PCSK5: variants seen among roughly 807,000 people sequenced by gnomAD.
PCSK5 encodes prohormone convertase 5.
PCSK5 carries 129 observed loss-of-function variants against 233.2 expected under a neutral mutation model. The ratio of observed to expected loss-of-function variants is 0.55; its 90% CI spans 0.48 to 0.64. The LOEUF (loss-of-function observed/expected upper bound fraction) is 0.64. PCSK5 is among the 30% of genes least tolerant of loss of function. The pLI is 0.00. For synonymous variants in PCSK5, 825 were observed against 879.2 expected, an observed-to-expected ratio of 0.94 and a Z score of 1.09; for missense variants, 2,076 against 2,430.1, an observed-to-expected ratio of 0.85 and a Z score of 3.06.
chr9:75,991,015 A>G (rs1826745535), intron 3 of PCSK5, among the ~76,000 whole-genome samples: 1 of 152,228 alleles, frequency 6.6e-6, no homozygotes, highest in South Asian at 2.1e-4. Context: ...GTGTGTGTCA[A>G]GCATTTTGCC....
chr9:75,978,075 C>G (rs932184909), intron 2 of PCSK5, among the ~76,000 whole-genome samples: 1 of 152,070 alleles, frequency 6.6e-6, no homozygotes, highest in Non-Finnish European at 1.5e-5. Context: ...TGTTGAAATA[C>G]GAAACATTTT....
intron 24 of PCSK5, among the ~76,000 whole-genome samples, chr9:76,264,447 AT>A (rs1827274416): frequency 6.6e-6 from 1 of 152,208 alleles, no homozygotes; most frequent in East Asian, 1.9e-4. Flanking sequence ...CAAAAACAAA[AT>A]TGACAAGTGG....
chr9:76,218,150 T>G (rs543522753), intron 20 of PCSK5, among the ~76,000 whole-genome samples: 22 of 152,236 alleles, frequency 1.4e-4, no homozygotes, highest in Admixed American at 8.5e-4. Context: ...CTGATGGAGA[T>G]TCACCTATTT....
chr9:76,273,564 A>ATATATATAT (rs1564148799), intron 24 of PCSK5, among the ~76,000 whole-genome samples: 3 of 74,858 alleles, frequency 4.0e-5, no homozygotes, highest in African/African-American at 1.5e-4. Context: ...ACAAAATAGT[A>ATATATATAT]ATATATATAT....
intron 5 of PCSK5, among the ~76,000 whole-genome samples, chr9:76,040,418 G>C (rs1829070243): frequency 1.1e-5 from 1 of 90,054 alleles, no homozygotes; most frequent in Non-Finnish European, 2.2e-5. Context: ...TCTCTCAACA[G>C]GTCTTTCCTC....
At chr9:76,039,301 A>C (rs1298137373) in intron 5 of PCSK5, among the ~76,000 whole-genome samples, 2 of 152,120 alleles carry the variant, frequency 1.3e-5, no homozygotes, top group East Asian at 3.8e-4. Context: ...AATACCCAGA[A>C]CTTCTTTATA....
intron 2 of PCSK5, among the ~76,000 whole-genome samples, chr9:75,964,953 T>C (rs1205895858): frequency 1.3e-5 from 2 of 152,198 alleles, no homozygotes; most frequent in African/African-American, 4.8e-5. Context: ...CATCAAGGAT[T>C]AGACCGTGAA....
chr9:76,140,031 A>C (rs1587677416), intron 10 of PCSK5, among the ~76,000 whole-genome samples: 1 of 152,192 alleles, frequency 6.6e-6, no homozygotes, highest in Middle Eastern at 3.4e-3. Flanking sequence ...TTTTCTACAA[A>C]TGAAAAGTGG....
intron 5 of PCSK5, among the ~76,000 whole-genome samples, chr9:76,040,622 G>A (rs2131530130): frequency 6.6e-6 from 1 of 152,198 alleles, no homozygotes; most frequent in African/African-American, 2.4e-5. Context: ...TAAAATTGAA[G>A]GCAGGCTCTC....
chr9:76,327,916 A>T, intron 32 of PCSK5, 93 bp from the exon 33 acceptor site: 1 of 792,044 alleles, frequency 1.3e-6, no homozygotes, highest in South Asian at 1.4e-5. Flanking sequence ...GAAATGTGAA[A>T]GGAATGTGAA....
At chr9:76,078,518 A>G (rs1587597460) in intron 7 of PCSK5, among the ~76,000 whole-genome samples, 1 of 152,152 alleles carries the variant, frequency 6.6e-6, no homozygotes, top group African/African-American at 2.4e-5. Flanking sequence ...TCCCAGCACT[A>G]TTTATTGAAT....
chr9:75,976,640 T>C (rs1037289325), intron 2 of PCSK5, among the ~76,000 whole-genome samples: 14 of 152,020 alleles, frequency 9.2e-5, no homozygotes, highest in Non-Finnish European at 1.6e-4. Context: ...AAAAAACAGT[T>C]GCTTATGGGT....
At chr9:75,904,673 C>G (rs1405789556) in intron 1 of PCSK5, among the ~76,000 whole-genome samples, 2 of 152,144 alleles carry the variant, frequency 1.3e-5, no homozygotes, top group African/African-American at 4.8e-5. Context: ...TTGCAATTCT[C>G]CAATTTACAA....
Position 75,891,181 on chromosome 9 carries a change from C to T in PCSK5, c.-1C>T, listed in dbSNP as rs1401419334. The T allele has an allele frequency of 6.8e-6, 10 of 1,468,478 alleles. No individual in the cohort carries two copies. Among genetic ancestry groups the T allele is most frequent in the South Asian group, 1.5e-5 (1 of 66,376 alleles). 91.0% of individuals were successfully genotyped at this position (1,468,478 alleles called of 1,614,324 possible). ...CGAGGGAGCAGCGAGGCGCCGGGACCATGGGCTGGGGGAGCCGCTGCTGCT... is the reference window on the plus strand; with the variant it reads ...CGAGGGAGCAGCGAGGCGCCGGGACTATGGGCTGGGGGAGCCGCTGCTGCT... On this transcript the variant is annotated 5_prime_UTR_variant, in exon 1 of 38. Coordinates refer to ENST00000674117, the MANE Select transcript of PCSK5 (RefSeq NM_001372043.1).
At chr9:76,154,586 C>T (rs1349732885) in intron 10 of PCSK5, among the ~76,000 whole-genome samples, 2 of 152,112 alleles carry the variant, frequency 1.3e-5, no homozygotes, top group Non-Finnish European at 2.9e-5. Flanking sequence ...ACATGCCAAT[C>T]GAATCTTTCA....
At chr9:76,041,657 TG>T (rs1362130853) in intron 5 of PCSK5, among the ~76,000 whole-genome samples, 1 of 151,690 alleles carries the variant, frequency 6.6e-6, no homozygotes, top group African/African-American at 2.4e-5. Context: ...CTGGCCAATA[TG>T]GTGAAACCCC....
chr9:76,116,065 T>G (rs931074857), intron 9 of PCSK5, among the ~76,000 whole-genome samples: 5 of 152,058 alleles, frequency 3.3e-5, no homozygotes, highest in African/African-American at 9.7e-5. Context: ...GTTTAAAAAT[T>G]TATAATCATA....
At chr9:75,920,806 CAAAAAAATT>C (rs953951431) in intron 1 of PCSK5, among the ~76,000 whole-genome samples, 2 of 150,202 alleles carry the variant, frequency 1.3e-5, no homozygotes, top group Non-Finnish European at 3.0e-5. Context: ...ACTCTGCCTC[CAAAAAAATT>C]AAAAAATAAA....
At chr9:76,291,073 CA>C (rs1191835121) in intron 24 of PCSK5, among the ~76,000 whole-genome samples, 2 of 152,206 alleles carry the variant, frequency 1.3e-5, no homozygotes, top group Non-Finnish European at 2.9e-5. Flanking sequence ...AAGCTATTTC[CA>C]GAAGGTTCTG....
Sources: gnomAD v4.1 joint callset for allele counts (sites outside exome capture counted in the v4.1 genomes callset) on GRCh38, gnomAD v4.1.1 for gene constraint, MANE v1.5 for transcripts, NCBI Gene and HGNC (gene_info 2026-07-23, HGNC 2026-07-21) for gene names.